Variants in GNAQ observed in about 807,000 individuals in gnomAD.
GNAQ encodes the protein G protein subunit alpha q, also known as guanine nucleotide-binding protein G(q) subunit alpha.
Under a neutral mutation model 43.9 loss-of-function variants are expected in GNAQ, and 8 were observed. That is an observed-to-expected ratio of 0.18 (90% CI 0.11 to 0.33). The LOEUF (loss-of-function observed/expected upper bound fraction) is 0.33. Among genes scored for constraint, GNAQ ranks in the 10% least tolerant of loss-of-function variants. The pLI is 1.00. For synonymous variants in GNAQ, 155 were observed against 170.7 expected (o/e 0.91, Z 0.71); for missense variants, 158 against 450.8 (o/e 0.35, Z 5.88).
At chr9:77,795,180 C>A (rs1826637652) in intron 4 of GNAQ, among the ~76,000 whole-genome samples, 1 of 152,052 alleles carries the variant, frequency 6.6e-6, no homozygotes, top group Non-Finnish European at 1.5e-5. Flanking sequence ...TGGCACAGGT[C>A]CAGTCATGTC....
chr9:77,798,863 G>A (rs1258471599), intron 3 of GNAQ, among the ~76,000 whole-genome samples: 1 of 152,046 alleles, frequency 6.6e-6, no homozygotes, highest in African/African-American at 2.4e-5. Flanking sequence ...AGATACAGAG[G>A]GCTGACTGTA....
At chr9:77,805,552 G>A (rs1187847173) in intron 3 of GNAQ, among the ~76,000 whole-genome samples, 4 of 151,884 alleles carry the variant, frequency 2.6e-5, no homozygotes, top group African/African-American at 9.7e-5. Flanking sequence ...TTACATGCGC[G>A]CAGCACCAGG....
At position 78,031,084 on chromosome 9, in the gene GNAQ, C is replaced by T. The variant is rs745887391; in HGVS notation, c.136+16G>A. 2 of 1,480,118 alleles carry T rather than the reference C, an allele frequency of 1.4e-6. No homozygotes were observed. The highest frequency in any genetic ancestry group is 1.8e-6 in the Non-Finnish European group (2 of 1,110,100). The allele number at this position is 1,480,118 out of a possible 1,614,324, so 91.7% of individuals were successfully genotyped here. ...TGGGGGCGCAGAGGCCCGGCGGGGC[C>T]CCGGACGGTACTCACCGAGCAGCAG... On this transcript the variant is annotated intron_variant, in intron 1 of 6. Coordinates refer to ENST00000286548, the MANE Select transcript of GNAQ (RefSeq NM_002072.5).
chr9:77,867,809 C>T lies in GNAQ; in HGVS notation c.322-52039G>A, dbSNP rs184220852. Among the ~76,000 whole-genome samples the T allele has an allele frequency of 3.2e-3, 484 of 152,240 alleles. 1 individual carries two copies. The highest frequency in any genetic ancestry group is 5.1e-3 in the Non-Finnish European group (347 of 68,026). ...CTGGCCCATCCAATATGGATTATTC[C>T]CAATCATAGTATTATGGAAGAGGAC... On this transcript the variant is annotated intron_variant, in intron 2 of 6. Coordinates refer to ENST00000286548, the MANE Select transcript of GNAQ (RefSeq NM_002072.5).
intron 5 of GNAQ, among the ~76,000 whole-genome samples, chr9:77,765,996 A>G (rs1033351119): frequency 7.2e-5 from 11 of 152,218 alleles, no homozygotes; most frequent in Admixed American, 4.6e-4. Flanking sequence ...AAGAACAAAT[A>G]CTGTATGATT....
Position 77,904,085 on chromosome 9 carries a change from TTAGA to T in GNAQ, c.321+18072_321+18075del, listed in dbSNP as rs1157165693. ...GCAAGCTGGATCAGACTTGCTGATCTTAGATAAAGCCCAGCCCTTTTGCCTGGTA... is the reference window on the plus strand; with the variant it reads ...GCAAGCTGGATCAGACTTGCTGATCTTAAAGCCCAGCCCTTTTGCCTGGTA... On this transcript the variant is annotated intron_variant, in intron 2 of 6. Coordinates refer to ENST00000286548, the MANE Select transcript of GNAQ (RefSeq NM_002072.5). Among the ~76,000 whole-genome samples the T allele has an allele frequency of 1.5e-4, 23 of 152,284 alleles. No homozygotes were observed. The East Asian group carries it at 4.3e-3, about 28-fold the overall frequency.
intron 1 of GNAQ, among the ~76,000 whole-genome samples, chr9:78,006,382 T>A (rs184346114): frequency 5.3e-5 from 8 of 152,302 alleles, no homozygotes; most frequent in African/African-American, 1.9e-4. Flanking sequence ...AACTGAGACA[T>A]AGGATCAACC....
chr9:77,817,391 T>G (rs1434951557), intron 2 of GNAQ, among the ~76,000 whole-genome samples: 1 of 145,720 alleles, frequency 6.9e-6, no homozygotes, highest in Non-Finnish European at 1.5e-5. Context: ...ATTTGTTGGT[T>G]GGTTGGAAGG....
chr9:77,813,460 G>A (rs1826960189), intron 3 of GNAQ, among the ~76,000 whole-genome samples: 1 of 152,158 alleles, frequency 6.6e-6, no homozygotes, highest in African/African-American at 2.4e-5. Flanking sequence ...GAAACTGTCT[G>A]GGAGAGCTCT....
chr9:78,009,037 G>A (rs1823742467), intron 1 of GNAQ, among the ~76,000 whole-genome samples: 1 of 152,196 alleles, frequency 6.6e-6, no homozygotes, highest in African/African-American at 2.4e-5. Flanking sequence ...CTCTCTTTAA[G>A]AACCACCTGC....
At chr9:77,904,317 C>CTATTTTTT (rs1828666611) in intron 2 of GNAQ, among the ~76,000 whole-genome samples, 1 of 77,406 alleles carries the variant, frequency 1.3e-5, no homozygotes, top group South Asian at 6.4e-4. Context: ...TTCACACCGG[C>CTATTTTTT]TTTTTTTTTT....
chr9:77,921,044 T>C (rs1451749312), intron 2 of GNAQ, among the ~76,000 whole-genome samples: 1 of 152,190 alleles, frequency 6.6e-6, no homozygotes, highest in East Asian at 1.9e-4. Context: ...TCACAGTAGA[T>C]TTATCAAAAG....
At chr9:77,737,332 T>C (rs1365908995) in intron 5 of GNAQ, among the ~76,000 whole-genome samples, 3 of 152,234 alleles carry the variant, frequency 2.0e-5, no homozygotes, top group African/African-American at 7.2e-5. Flanking sequence ...GTGTTGTCAC[T>C]GTCATTGTAA....
At chr9:77,909,695 A>C (rs78643961) in intron 2 of GNAQ, among the ~76,000 whole-genome samples, 63 of 152,140 alleles carry the variant, frequency 4.1e-4, no homozygotes, top group African/African-American at 1.1e-3. Context: ...AAAAAAAAAA[A>C]AACAACAACT....
chr9:77,796,904 C>T (rs1278272800), intron 4 of GNAQ, among the ~76,000 whole-genome samples: 1 of 152,080 alleles, frequency 6.6e-6, no homozygotes, highest in Non-Finnish European at 1.5e-5. Context: ...AAAATGATTG[C>T]CCAAAAAATT....
intron 1 of GNAQ, among the ~76,000 whole-genome samples, chr9:77,964,141 A>G (rs1334599648): frequency 6.6e-6 from 1 of 152,210 alleles, no homozygotes; most frequent in Admixed American, 6.5e-5. Context: ...TAACAGACAC[A>G]GATTTTAATG....
intron 2 of GNAQ, among the ~76,000 whole-genome samples, chr9:77,850,115 C>T (rs910464509): frequency 6.6e-6 from 1 of 152,272 alleles, no homozygotes; most frequent in African/African-American, 2.4e-5. Context: ...ACACACTTCA[C>T]CTGATGGCCG....
At chr9:77,889,380 C>T (rs1461589782) in intron 2 of GNAQ, among the ~76,000 whole-genome samples, 1 of 124,700 alleles carries the variant, frequency 8.0e-6, no homozygotes, top group African/African-American at 3.1e-5. Flanking sequence ...CACTGCATTC[C>T]AGCCTGGGCG....
intron 1 of GNAQ, among the ~76,000 whole-genome samples, chr9:77,970,386 T>G (rs192031322): frequency 6.6e-6 from 1 of 152,262 alleles, no homozygotes; most frequent in East Asian, 1.9e-4. Context: ...TATCAAAAAG[T>G]TACCAACGGC....
Sources: allele counts gnomAD v4.1 joint callset (sites outside exome capture counted in the v4.1 genomes callset), GRCh38; gene constraint gnomAD v4.1.1; transcripts MANE v1.5; gene names NCBI Gene and HGNC (gene_info 2026-07-23, HGNC 2026-07-21).